The following AP2A2 variants were observed in gnomAD, a reference collection of about 807,000 sequenced individuals.
AP2A2 encodes the protein AP-2 complex subunit alpha-2.
In AP2A2, 32 loss-of-function variants were observed where a neutral mutation model predicts 104.2. That is an observed-to-expected ratio of 0.31 (90% CI 0.23 to 0.41). AP2A2 has a LOEUF of 0.41. Among genes scored for constraint, AP2A2 ranks in the 10% least tolerant of loss-of-function variants. The pLI is 1.00. For missense variants in AP2A2, 912 were observed against 1,261.0 expected, an observed-to-expected ratio of 0.72 and a Z score of 4.19; for synonymous variants, 539 against 533.3, an observed-to-expected ratio of 1.01 and a Z score of -0.15.
chr11:994,283 G>GT, intron 14 of AP2A2, 38 bp downstream of exon 14: 1 of 1,605,448 alleles, frequency 6.2e-7, no homozygotes, highest in Non-Finnish European at 8.5e-7. Flanking sequence ...GACCTGTCAG[G>GT]GCCTCACCCC....
chr11:1,005,272 T>G (rs988655202), intron 16 of AP2A2, among the ~76,000 whole-genome samples: 3 of 152,244 alleles, frequency 2.0e-5, no homozygotes, highest in African/African-American at 4.8e-5. Flanking sequence ...GCTCCACTCA[T>G]GCGGTCCCTA....
chr11:926,106 C>A lies in AP2A2; in HGVS notation c.67+18C>A. Reference sequence around the variant, plus strand: ...CCGCAACTGTGAGTGGCGGGGGCGGCGTGGGGCCGGGGCCGGGGCCGCCGG... The same window carrying A: ...CCGCAACTGTGAGTGGCGGGGGCGGAGTGGGGCCGGGGCCGGGGCCGCCGG... On this transcript the variant is annotated intron_variant, in intron 1 of 21. Coordinates refer to ENST00000448903, the MANE Select transcript of AP2A2 (RefSeq NM_012305.4). The A allele has an allele frequency of 7.8e-7, 1 of 1,282,730 alleles. No homozygotes were observed. Among genetic ancestry groups the A allele is most frequent in the Non-Finnish European group, 1.0e-6 (1 of 1,002,762 alleles). The allele number at this position is 1,282,730 out of a possible 1,614,324, so 79.5% of individuals were successfully genotyped here. A position where few individuals can be genotyped will look rare whatever the true frequency, so the allele number is the denominator to read the frequency against.
chr11:984,012 G>A lies in AP2A2; in HGVS notation c.706-633G>A, dbSNP rs562491734. 2.6e-5 allele frequency among the ~76,000 whole-genome samples: 4 copies of A among 152,304 alleles called. No individual in the cohort carries two copies. In the South Asian group the frequency reaches 6.2e-4, roughly 24 times the overall value. On this transcript the variant is annotated intron_variant, in intron 6 of 21. Coordinates refer to ENST00000448903, the MANE Select transcript of AP2A2 (RefSeq NM_012305.4). ...AACTTTTCTGAATGGGTTCACTTAC[G>A]GCCTAAAAGTGTCACATGTGAGCTT... is the stretch of plus-strand genomic sequence containing the variant.
intron 15 of AP2A2, among the ~76,000 whole-genome samples, chr11:1,003,033 GA>G: frequency 6.6e-6 from 1 of 152,368 alleles, no homozygotes; most frequent in South Asian, 2.1e-4. Context: ...GGTCACTGTG[GA>G]GTTACAGTTT....
intron 1 of AP2A2, among the ~76,000 whole-genome samples, chr11:947,892 G>A (rs1853906123): frequency 6.6e-6 from 1 of 152,140 alleles, no homozygotes; most frequent in Admixed American, 6.6e-5. Context: ...GGGAGTTTGA[G>A]GTGCAATGAA....
intron 1 of AP2A2, among the ~76,000 whole-genome samples, chr11:957,767 C>A (rs901505849): frequency 1.3e-5 from 2 of 152,224 alleles, no homozygotes; most frequent in Admixed American, 1.3e-4. Context: ...GTATCGTAAT[C>A]CCTCCTAGCT....
chr11:940,844 G>T (rs986655191), intron 1 of AP2A2: 14 of 456,284 alleles, frequency 3.1e-5, no homozygotes, highest in African/African-American at 2.2e-4. Context: ...GGAGGAGCCT[G>T]AATGCTGGTT....
chr11:937,386 C>T (rs997436037), intron 1 of AP2A2, among the ~76,000 whole-genome samples: 6 of 152,096 alleles, frequency 3.9e-5, no homozygotes, highest in Admixed American at 6.5e-5. Flanking sequence ...CCTTCAGTGC[C>T]GTGAGCGCAT....
At chr11:937,912 G>A (rs998754541) in intron 1 of AP2A2, among the ~76,000 whole-genome samples, 1 of 152,212 alleles carries the variant, frequency 6.6e-6, no homozygotes, top group Admixed American at 6.5e-5. Flanking sequence ...CTCCCGAGAG[G>A]TGGAGCTGGA....
At chr11:979,138 C>T (rs1855154759) in intron 5 of AP2A2, among the ~76,000 whole-genome samples, 1 of 151,510 alleles carries the variant, frequency 6.6e-6, no homozygotes. Context: ...CTGAGTGTGC[C>T]CCTCGAGAGG....
chr11:935,126 T>G (rs1421666462), intron 1 of AP2A2, among the ~76,000 whole-genome samples: 1 of 150,332 alleles, frequency 6.7e-6, no homozygotes, highest in South Asian at 2.1e-4. Flanking sequence ...CGATCTCTGC[T>G]CACTGCAACC....
intron 1 of AP2A2, among the ~76,000 whole-genome samples, chr11:943,570 T>C (rs1853727515): frequency 6.6e-6 from 1 of 152,172 alleles, no homozygotes; most frequent in Admixed American, 6.5e-5. Flanking sequence ...AGGGGTGGTC[T>C]CCTCCCTTAA....
chr11:972,275 C>G lies in AP2A2; in HGVS notation c.473+20C>G. ...AGCCGGGTATGTGCCGGGCTCGTGC[C>G]GGGCTCCTGCTGAAGATGTGCTGCT... On this transcript the variant is annotated intron_variant, in intron 4 of 21. Transcript: ENST00000448903. The G allele has an allele frequency of 6.4e-7, 1 of 1,551,148 alleles. No homozygotes were observed.
chr11:1,011,567 T>C lies in AP2A2; in HGVS notation c.*942T>C. 1 of 458,720 alleles carries C rather than the reference T, an allele frequency of 2.2e-6. No individual in the cohort carries two copies. Among genetic ancestry groups the C allele is most frequent in the Non-Finnish European group, 4.4e-6 (1 of 229,056 alleles). 28.4% of individuals were successfully genotyped at this position (458,720 alleles called of 1,614,324 possible). A position where few individuals can be genotyped will look rare whatever the true frequency, so the allele number is the denominator to read the frequency against. On this transcript the variant is annotated 3_prime_UTR_variant, in exon 22 of 22. Coordinates refer to ENST00000448903, the MANE Select transcript of AP2A2 (RefSeq NM_012305.4). ...TGCCACCTGCGGCTTGTGTCTCACC[T>C]GTCATCTGGACTCAGCACCCAGGCT...
In AP2A2 at chr11:988,816, G is replaced by A. The variant is rs954070625; in HGVS notation, c.1269+127G>A. 4 of 1,232,992 alleles carry A rather than the reference G, an allele frequency of 3.2e-6. No homozygotes were observed. The African/African-American group carries it at 6.0e-5, about 18-fold the overall frequency. The allele number at this position is 1,232,992 out of a possible 1,614,324, so 76.4% of individuals were successfully genotyped here. ...AGAACCCATGAGATGCTGAATACAA[G>A]GCTCCTCTGCCTCTGTGTTTTCATC... On this transcript the variant is annotated intron_variant, in intron 10 of 21. Coordinates refer to ENST00000448903, the MANE Select transcript of AP2A2 (RefSeq NM_012305.4).
In AP2A2 at chr11:1,009,731, G is replaced by A; in HGVS notation, c.2656G>A (p.Ala886Thr). The change falls in exon 21 of 22, where the codon GCG (alanine) becomes ACG (threonine). Residue 886 changes from alanine (A) to threonine (T), a missense_variant. Ala to Thr is a moderately conservative substitution (Grantham distance 58, BLOSUM62 0). Coordinates refer to ENST00000448903, the MANE Select transcript of AP2A2 (RefSeq NM_012305.4). ...ALLEEVDPNP[A>T]NFVGAGIIHT... ...TCTTGAAGAAGTTGATCCTAATCCT[G>A]CGAATTTCGTGGGAGCTGGAATCAT... 2 of 1,560,968 alleles carry A rather than the reference G, an allele frequency of 1.3e-6. No homozygotes were observed. The highest frequency in any genetic ancestry group is 2.4e-5 in the South Asian group (2 of 84,682).
At chr11:945,094 A>G (rs970192733) in intron 1 of AP2A2, among the ~76,000 whole-genome samples, 8 of 151,950 alleles carry the variant, frequency 5.3e-5, no homozygotes, top group African/African-American at 1.2e-4. Context: ...TGCTAGGCTG[A>G]TGGGATGTGG....
At chr11:929,015 A>G (rs1361421378) in intron 1 of AP2A2, among the ~76,000 whole-genome samples, 1 of 152,212 alleles carries the variant, frequency 6.6e-6, no homozygotes. Context: ...TGCGAGGTGC[A>G]TGCCAGAGAA....
intron 17 of AP2A2, 53 bp from the exon 18 acceptor site, chr11:1,007,959 G>C: frequency 6.4e-7 from 1 of 1,550,608 alleles, no homozygotes; most frequent in Non-Finnish European, 8.7e-7. Context: ...AGCCCGGCCC[G>C]TTTCCGCTTC....
Sources: allele counts gnomAD v4.1 joint callset (sites outside exome capture counted in the v4.1 genomes callset), GRCh38; gene constraint gnomAD v4.1.1; transcripts MANE v1.5; gene names NCBI Gene and HGNC (gene_info 2026-07-23, HGNC 2026-07-21).